EYS: variants seen among roughly 807,000 people sequenced by gnomAD.
EYS encodes the protein protein eyes shut homolog.
In EYS, 250 loss-of-function variants were observed where a neutral mutation model predicts 282.1. That is an observed-to-expected ratio of 0.89 (90% CI 0.80 to 0.98). EYS has a LOEUF of 0.98. Ranked by LOEUF, EYS falls within the 50% of genes least tolerant of loss-of-function variation. The pLI is 0.00. For synonymous variants in EYS, 1,355 were observed against 1,282.9 expected, an observed-to-expected ratio of 1.06 and a Z score of -1.20; for missense variants, 4,016 against 3,709.0, an observed-to-expected ratio of 1.08 and a Z score of -2.15.
intron 14 of EYS, among the ~76,000 whole-genome samples, chr6:64,980,169 AT>A (rs1770606780): frequency 6.6e-6 from 1 of 151,566 alleles, no homozygotes; most frequent in African/African-American, 2.4e-5. Flanking sequence ...TTCCTTCTCT[AT>A]AAAAAAAATG....
chr6:64,805,012 AT>A lies in EYS; in HGVS notation c.3443+8365del, dbSNP rs568510620. ...TTTGTACATAGTAGTTTTCCAAAAA[AT>A]ATTTGCTGAATTAAGTTATATAATA... On this transcript the variant is annotated intron_variant, in intron 22 of 42. Coordinates refer to ENST00000503581, the MANE Select transcript of EYS (RefSeq NM_001142800.2). 1.4e-4 allele frequency among the ~76,000 whole-genome samples: 21 copies of A among 152,188 alleles called. No homozygotes were observed. In the South Asian group the frequency reaches 3.3e-3, roughly 24 times the overall value.
chr6:64,842,169 G>A (rs1183926236), intron 19 of EYS, among the ~76,000 whole-genome samples: 4 of 151,808 alleles, frequency 2.6e-5, no homozygotes, highest in South Asian at 2.1e-4. Flanking sequence ...TGAACTACAC[G>A]AAGATAAATT....
At chr6:64,854,449 G>A (rs919288229) in intron 19 of EYS, among the ~76,000 whole-genome samples, 1 of 151,920 alleles carries the variant, frequency 6.6e-6, no homozygotes, top group Non-Finnish European at 1.5e-5. Context: ...GTAGGGACAT[G>A]GATGAAGCTG....
intron 35 of EYS, among the ~76,000 whole-genome samples, chr6:63,929,488 A>G (rs1227915141): frequency 6.6e-6 from 1 of 152,176 alleles, no homozygotes; most frequent in East Asian, 1.9e-4. Flanking sequence ...ATTTCGTAGA[A>G]TCATTTTCTT....
chr6:65,019,907 C>T (rs1351237287), intron 13 of EYS, among the ~76,000 whole-genome samples: 1 of 125,200 alleles, frequency 8.0e-6, no homozygotes, highest in Non-Finnish European at 1.7e-5. Flanking sequence ...ATGGCGGCAG[C>T]AAGAAGTGCC....
chr6:65,559,038 G>T (rs1335276020), intron 2 of EYS, among the ~76,000 whole-genome samples: 1 of 152,090 alleles, frequency 6.6e-6, no homozygotes, highest in Admixed American at 6.6e-5. Context: ...ATAGAATAAA[G>T]AGAGAAGCTA....
At chr6:64,155,341 A>G (rs1231305327) in intron 31 of EYS, among the ~76,000 whole-genome samples, 1 of 129,366 alleles carries the variant, frequency 7.7e-6, no homozygotes, top group Non-Finnish European at 1.6e-5. Flanking sequence ...ATAGCAGCAC[A>G]TAATTTTTTT....
chr6:65,203,618 C>T (rs1212492012), intron 12 of EYS, among the ~76,000 whole-genome samples: 2 of 152,060 alleles, frequency 1.3e-5, no homozygotes, highest in African/African-American at 4.8e-5. Flanking sequence ...TAAATGACAG[C>T]ATCTACATAT....
chr6:65,200,134 C>T (rs1765864377), intron 12 of EYS, among the ~76,000 whole-genome samples: 1 of 152,042 alleles, frequency 6.6e-6, no homozygotes, highest in South Asian at 2.1e-4. Flanking sequence ...TTACAACTTC[C>T]TAAGTGAATG....
chr6:64,456,694 A>G (rs1019465181), intron 26 of EYS, among the ~76,000 whole-genome samples: 3 of 151,958 alleles, frequency 2.0e-5, no homozygotes, highest in African/African-American at 7.2e-5. Context: ...TATGCTCTAA[A>G]TTTTTCTGAG....
intron 15 of EYS, among the ~76,000 whole-genome samples, chr6:64,936,185 C>T (rs1436940233): frequency 1.3e-5 from 2 of 151,348 alleles, no homozygotes; most frequent in African/African-American, 2.4e-5. Context: ...GAATATAAGA[C>T]AAATTACACA....
Position 63,788,977 on chromosome 6 carries a change from T to C in EYS, c.7578+81A>G. On this transcript the variant is annotated intron_variant, in intron 38 of 42. Coordinates refer to ENST00000503581, the MANE Select transcript of EYS (RefSeq NM_001142800.2). The stretch of plus-strand genomic sequence containing the variant: ...TCGTGGATGTAGGCATCATGGGCTA[T>C]TCACCTCTGTATCTTAGCACAGATC... The C allele has an allele frequency of 2.1e-5, 29 of 1,407,478 alleles. No individual in the cohort carries two copies. The South Asian group carries it at 3.8e-4, about 18-fold the overall frequency. The allele number at this position is 1,407,478 out of a possible 1,614,324, so 87.2% of individuals were successfully genotyped here. A position where few individuals can be genotyped will look rare whatever the true frequency, so the allele number is the denominator to read the frequency against.
chr6:65,006,826 G>C (rs1771681080), intron 13 of EYS, among the ~76,000 whole-genome samples: 1 of 152,060 alleles, frequency 6.6e-6, no homozygotes, highest in Admixed American at 6.5e-5. Context: ...TCTCCTCAAA[G>C]GTGCAAACTG....
chr6:65,079,592 C>T (rs1009261808), intron 12 of EYS, among the ~76,000 whole-genome samples: 1 of 151,806 alleles, frequency 6.6e-6, no homozygotes, highest in African/African-American at 2.4e-5. Context: ...TATTGTTAAA[C>T]ATATTATTCA....
At chr6:64,999,571 C>T (rs1251571930) in intron 13 of EYS, among the ~76,000 whole-genome samples, 2 of 152,156 alleles carry the variant, frequency 1.3e-5, no homozygotes, top group Non-Finnish European at 2.9e-5. Flanking sequence ...GTTGCATTTC[C>T]CAAGACCACC....
intron 15 of EYS, among the ~76,000 whole-genome samples, chr6:64,934,676 T>G (rs1026309545): frequency 2.0e-5 from 3 of 151,842 alleles, no homozygotes; most frequent in Non-Finnish European, 4.4e-5. Flanking sequence ...TGCTACCTTC[T>G]AAATTAAAGC....
intron 19 of EYS, among the ~76,000 whole-genome samples, chr6:64,834,086 C>G (rs1274305306): frequency 2.0e-5 from 3 of 151,796 alleles, no homozygotes; most frequent in Admixed American, 6.6e-5. Flanking sequence ...ATGAGTCAAT[C>G]GAATGCATTC....
At chr6:65,642,694 T>C (rs1317943464) in intron 1 of EYS, among the ~76,000 whole-genome samples, 1 of 152,230 alleles carries the variant, frequency 6.6e-6, no homozygotes, top group Non-Finnish European at 1.5e-5. Flanking sequence ...CTTCTATTAG[T>C]TCTAGTTTTC....
At position 65,477,053 on chromosome 6, in the gene EYS, T is replaced by G. The variant is rs548290918; in HGVS notation, c.862+13541A>C. On this transcript the variant is annotated intron_variant, in intron 5 of 42. Coordinates refer to ENST00000503581, the MANE Select transcript of EYS (RefSeq NM_001142800.2). ...GATGACACTTTAATAATTATGGTAT[T>G]GTGCTTTTATAGCCAGCTTCTAAAA... Among the ~76,000 whole-genome samples, 40 of 152,336 alleles carry G rather than the reference T, an allele frequency of 2.6e-4. No homozygotes were observed. In the East Asian group the frequency reaches 7.7e-3, roughly 29 times the overall value.
Sources: gnomAD v4.1 joint callset for allele counts (sites outside exome capture counted in the v4.1 genomes callset) on GRCh38, gnomAD v4.1.1 for gene constraint, MANE v1.5 for transcripts, NCBI Gene and HGNC (gene_info 2026-07-23, HGNC 2026-07-21) for gene names.